Variants in DPF1 observed in about 807,000 individuals in gnomAD.
DPF1 encodes double PHD fingers 1.
Under a neutral mutation model 58.7 loss-of-function variants are expected in DPF1, and 14 were observed. The ratio of observed to expected loss-of-function variants is 0.24; its 90% CI spans 0.16 to 0.37. DPF1 has a LOEUF of 0.37. DPF1 is among the 10% of genes least tolerant of loss of function. The pLI, the probability that DPF1 is intolerant of heterozygous loss-of-function variation, is 1.00. For synonymous variants in DPF1, 216 were observed against 216.0 expected, an observed-to-expected ratio of 1.00 and a Z score of 0.00; for missense variants, 345 against 529.9, an observed-to-expected ratio of 0.65 and a Z score of 3.43.
rs1007916026 is a variant in DPF1, at chr19:38,218,837, G to A, written c.426+94C>T. ...ATGCCCAACAGCCAGAAGAAACCGGGGGGGTTTCAGAGCAGGAACGTGAGG... is the reference window on the plus strand; with the variant it reads ...ATGCCCAACAGCCAGAAGAAACCGGAGGGGTTTCAGAGCAGGAACGTGAGG... On this transcript the variant is annotated intron_variant, in intron 4 of 11. Coordinates refer to ENST00000355526, the MANE Select transcript of DPF1 (RefSeq NM_001135155.3). 2.5e-6 allele frequency: 4 copies of A among 1,574,138 alleles called. No individual in the cohort carries two copies. In the African/African-American group the frequency reaches 5.4e-5, roughly 21 times the overall value.
chr19:38,226,795 C>A (rs1227902957), upstream of DPF1, among the ~76,000 whole-genome samples: 1 of 151,916 alleles, frequency 6.6e-6, no homozygotes, highest in Admixed American at 6.6e-5. Context: ...CTCACAGGTC[C>A]CGTAACACAC....
At chr19:38,218,507 C>T in intron 5 of DPF1, 66 bp downstream of exon 5, 1 of 1,538,054 alleles carries the variant, frequency 6.5e-7, no homozygotes, top group Non-Finnish European at 9.0e-7. Context: ...CGGACCACTG[C>T]ACCTGCTCCA....
intron 10 of DPF1, 127 bp downstream of exon 10, chr19:38,213,517 T>C: frequency 1.3e-6 from 1 of 773,978 alleles, no homozygotes; most frequent in Non-Finnish European, 2.2e-6. Context: ...GACACCGGCA[T>C]AATGATAACA....
Position 38,222,936 on chromosome 19 carries a change from AC to A in DPF1, c.30-229del, listed in dbSNP as rs1385520291. 9 of 540,252 alleles carry A rather than the reference AC, an allele frequency of 1.7e-5. No individual in the cohort carries two copies. The highest frequency in any genetic ancestry group is 2.5e-5 in the Non-Finnish European group (8 of 316,406). 33.5% of individuals were successfully genotyped at this position (540,252 alleles called of 1,614,324 possible). A position where few individuals can be genotyped will look rare whatever the true frequency, so the allele number is the denominator to read the frequency against. ...ACAGGCCCCCAGCTCATGAGTAGAAACACGATACAGAAACAAACAAAAACAC... is the reference window on the plus strand; with the variant it reads ...ACAGGCCCCCAGCTCATGAGTAGAAAACGATACAGAAACAAACAAAAACAC... On this transcript the variant is annotated intron_variant, in intron 1 of 11. Transcript: ENST00000355526. The surrounding 1 kb of genome is among the most constrained non-coding windows in gnomAD (Gnocchi z 4.9).
chr19:38,227,848 A>T (rs1256273970), upstream of DPF1: 1 of 152,154 alleles, frequency 6.6e-6, no homozygotes, highest in African/African-American at 2.4e-5. Flanking sequence ...TTTGACTCAC[A>T]TTCTTTCAGG....
At chr19:38,215,307 A>G (rs1281329964) in intron 9 of DPF1, among the ~76,000 whole-genome samples, 2 of 149,704 alleles carry the variant, frequency 1.3e-5, no homozygotes, top group Non-Finnish European at 3.0e-5. Context: ...CCTGGCCAAC[A>G]TGGTGAAACC....
upstream of DPF1, among the ~76,000 whole-genome samples, chr19:38,227,021 CCTTCCTTCCTTCCTTT>C (rs769888173): frequency 0.024 from 3,461 of 141,530 alleles, 162 homozygotes; most frequent in African/African-American, 0.084. Context: ...TTCCTTCCTT[CCTTCCTTCCTTCCTTT>C]CTTTCTTTCT....
chr19:38,218,600 G>C lies in DPF1; in HGVS notation c.489C>G (p.Pro163=). The C allele has an allele frequency of 1.2e-6, 2 of 1,614,150 alleles. No homozygotes were observed. Among genetic ancestry groups the C allele is most frequent in the Non-Finnish European group, 8.5e-7 (1 of 1,180,038 alleles). The stretch of plus-strand genomic sequence containing the variant: ...TTCCTTTGGCCCTGTTCTTCCTCCT[G>C]GGAATGTCATCCTCCAAGTCTTCCA... ...LEVEDLEDDI[P]RRKNRAKGKA... is the part of the protein sequence containing the mutation. Residue 163 remains proline, a synonymous_variant, in exon 5 of 12, where the codon CCC becomes CCG. Coordinates refer to ENST00000355526, the MANE Select transcript of DPF1 (RefSeq NM_001135155.3).
chr19:38,218,541 G>C (rs561010474), intron 5 of DPF1, 32 bp downstream of exon 5: 1 of 1,605,200 alleles, frequency 6.2e-7, no homozygotes, highest in Admixed American at 1.7e-5. Context: ...TCATTGAGGG[G>C]AGCGGGGAAG....
At chr19:38,212,577 G>T (rs1363371979) in intron 10 of DPF1, among the ~76,000 whole-genome samples, 1 of 151,952 alleles carries the variant, frequency 6.6e-6, no homozygotes. Context: ...TATAGTGGGG[G>T]TTTTATAAGG....
rs1967018606 is a variant in DPF1, at chr19:38,216,348, C to T, written c.778+5G>A. The T allele has an allele frequency of 1.2e-6, 2 of 1,603,374 alleles. No homozygotes were observed. Among genetic ancestry groups the T allele is most frequent in the Non-Finnish European group, 1.7e-6 (2 of 1,173,658 alleles). ...GACTTTAGGAGCAGAAGGAGGCATC[C>T]GTACCTGTGTGTTTCCTTTGTGCCT... On this transcript the variant is annotated splice_donor_5th_base_variant and intron_variant, in intron 8 of 11. Transcript: ENST00000355526.
chr19:38,216,037 C>T, intron 9 of DPF1, 103 bp downstream of exon 9: 2 of 1,492,566 alleles, frequency 1.3e-6, no homozygotes, highest in Non-Finnish European at 1.8e-6. Flanking sequence ...CTACATGCTC[C>T]GGGTCCCCTC....
At position 38,212,285 on chromosome 19, in the gene DPF1, G is replaced by T; in HGVS notation, c.1088C>A (p.Pro363Gln). 1 of 1,287,824 alleles carries T rather than the reference G, an allele frequency of 7.8e-7. No homozygotes were observed. Among genetic ancestry groups the T allele is most frequent in the Non-Finnish European group, 1.0e-6 (1 of 994,930 alleles). 79.8% of individuals were successfully genotyped at this position (1,287,824 alleles called of 1,614,324 possible). The change falls in exon 11 of 12, where the codon CCG (proline) becomes CAG (glutamine). Residue 363 changes from proline to glutamine, a missense_variant. Physicochemically the swap from Pro to Gln is moderately conservative, Grantham distance 76 (BLOSUM62 -1). Transcript: ENST00000355526. ...ATGCCCACCTCTCCTCTCACCTTCCGGGGGCTCCGCCATGGGGGGACTCAG... is the reference window on the plus strand; with the variant it reads ...ATGCCCACCTCTCCTCTCACCTTCCTGGGGCTCCGCCATGGGGGGACTCAG... ...YCLSPPMAEP[P>Q]EGSWSCHLCL...
At position 38,224,130 on chromosome 19, in the gene DPF1, T is replaced by C; in HGVS notation, c.13A>G (p.Ile5Val). 1 of 1,488,078 alleles carries C rather than the reference T, an allele frequency of 6.7e-7. No homozygotes were observed. The allele number at this position is 1,488,078 out of a possible 1,614,324, so 92.2% of individuals were successfully genotyped here. A position where few individuals can be genotyped will look rare whatever the true frequency, so the allele number is the denominator to read the frequency against. ...CCGCACCACCTCAGGGGGCCAGGGA[T>C]GACAGTGGCCATCTTGCTCCCCGGG... MATVIPGPLSLGEDF... is the reference protein window; with the variant it reads MATVVPGPLSLGEDF... Residue 5 changes from isoleucine to valine, a missense_variant, in exon 1 of 12, where the codon ATC becomes GTC. Transcript: ENST00000355526. This position sits in a 1 kb window ranked among gnomAD's most constrained non-coding sequence, Gnocchi z 4.5.
upstream of DPF1, among the ~76,000 whole-genome samples, chr19:38,227,396 C>G (rs562153435): frequency 1.4e-4 from 22 of 152,070 alleles, no homozygotes; most frequent in Non-Finnish European, 2.9e-4. Flanking sequence ...GGATATCTAC[C>G]CACAGACGCA....
chr19:38,212,408 C>A, intron 10 of DPF1, 47 bp from the exon 11 acceptor site: 12 of 627,020 alleles, frequency 1.9e-5, no homozygotes, highest in South Asian at 1.7e-4. Flanking sequence ...GCACGGGCAC[C>A]AGAAACGGGG....
chr19:38,223,000 C>T lies in DPF1; in HGVS notation c.30-292G>A. On this transcript the variant is annotated intron_variant, in intron 1 of 11. Transcript: ENST00000355526. The surrounding 1 kb of genome is among the most constrained non-coding windows in gnomAD (Gnocchi z 4.9). ...CCCTACCTGAACACATGCAGACACA[C>T]AACACAAATCACACACAGTCACACG... 2.4e-6 allele frequency: 1 copy of T among 417,702 alleles called. No homozygotes were observed. Among genetic ancestry groups the T allele is most frequent in the Non-Finnish European group, 4.2e-6 (1 of 235,658 alleles). The allele number at this position is 417,702 out of a possible 1,614,324, so 25.9% of individuals were successfully genotyped here. A position where few individuals can be genotyped will look rare whatever the true frequency, so the allele number is the denominator to read the frequency against.
chr19:38,228,618 C>G (rs1402215204), upstream of DPF1: 2 of 151,850 alleles, frequency 1.3e-5, no homozygotes, highest in African/African-American at 4.8e-5. Flanking sequence ...TCACTTGGAG[C>G]CCGCTGTCAC....
upstream of DPF1, among the ~76,000 whole-genome samples, chr19:38,225,723 T>C (rs1039268593): frequency 6.6e-6 from 1 of 151,106 alleles, no homozygotes; most frequent in African/African-American, 2.4e-5. Flanking sequence ...ACCTGGTCTC[T>C]ACTAAAAAAA....
Sources: allele counts gnomAD v4.1 joint callset (sites outside exome capture counted in the v4.1 genomes callset), GRCh38; gene constraint gnomAD v4.1.1; non-coding constraint Gnocchi (gnomAD v3.1); transcripts MANE v1.5; gene names NCBI Gene and HGNC (gene_info 2026-07-23, HGNC 2026-07-21).